AKAP8: variants seen among roughly 807,000 people sequenced by gnomAD.
AKAP8 encodes the protein A-kinase anchoring protein 8.
A neutral mutation model predicts 67.5 loss-of-function variants in AKAP8; 24 were observed. That is an observed-to-expected ratio of 0.36 (90% CI 0.26 to 0.50). The LOEUF (loss-of-function observed/expected upper bound fraction) is 0.50. Among genes scored for constraint, AKAP8 ranks in the 20% least tolerant of loss-of-function variants. The pLI, the probability that AKAP8 is intolerant of heterozygous loss-of-function variation, is 0.97. For missense variants in AKAP8, 971 were observed against 955.9 expected, an observed-to-expected ratio of 1.02 and a Z score of -0.21; for synonymous variants, 400 against 371.1, an observed-to-expected ratio of 1.08 and a Z score of -0.90.
chr19:15,361,999 G>A, intron 10 of AKAP8, 111 bp downstream of exon 10: 1 of 1,477,914 alleles, frequency 6.8e-7, no homozygotes, highest in Non-Finnish European at 9.1e-7. Flanking sequence ...ACTCTATCTG[G>A]GAAAGGAAAC....
Position 15,375,538 on chromosome 19 carries a change from C to T in AKAP8, c.59-903G>A, listed in dbSNP as rs117874555. 5.3e-4 allele frequency among the ~76,000 whole-genome samples: 81 copies of T among 152,198 alleles called. No homozygotes were observed. In the East Asian group the frequency reaches 0.014, roughly 26 times the overall value. On this transcript the variant is annotated intron_variant, in intron 2 of 13. Coordinates refer to ENST00000269701, the MANE Select transcript of AKAP8 (RefSeq NM_005858.4). ...ACACACTGGATCAAAACTCAGAGAACTATACAAATTAACAAAAACTATGAG... is the reference window on the plus strand; with the variant it reads ...ACACACTGGATCAAAACTCAGAGAATTATACAAATTAACAAAAACTATGAG...
Position 15,376,975 on chromosome 19 carries a change from C to A in AKAP8, c.58+1G>T. 1 of 1,612,576 alleles carries A rather than the reference C, an allele frequency of 6.2e-7. No homozygotes were observed. The highest frequency in any genetic ancestry group is 8.5e-7 in the Non-Finnish European group (1 of 1,179,394). ...TCACCCGCAAAGCAGAGCCCACTTA[C>A]CCTGGGTGTTGGCAGGTCCAGCACT... On this transcript the variant is annotated splice_donor_variant, in intron 2 of 13. Transcript: ENST00000269701. LOFTEE classifies it high-confidence loss of function.
intron 2 of AKAP8, among the ~76,000 whole-genome samples, chr19:15,376,133 G>A (rs1967248790): frequency 6.6e-6 from 1 of 152,004 alleles, no homozygotes; most frequent in Non-Finnish European, 1.5e-5. Context: ...ACTTGAGCTC[G>A]GGTCTCGAAC....
chr19:15,357,210 C>T (rs184425456), intron 13 of AKAP8, among the ~76,000 whole-genome samples: 1,759 of 151,694 alleles, frequency 0.012, 10 homozygotes, highest in Non-Finnish European at 0.018. Flanking sequence ...GCACCCGCCT[C>T]GGCCTCCCAA....
intron 9 of AKAP8, among the ~76,000 whole-genome samples, chr19:15,366,112 C>A: frequency 8.3e-6 from 1 of 120,572 alleles, no homozygotes; most frequent in Admixed American, 9.4e-5. Context: ...AAAAAGTCAC[C>A]TGTTCATTGG....
At chr19:15,379,530 C>A in intron 1 of AKAP8, 183 bp downstream of exon 1, 1 of 594,790 alleles carries the variant, frequency 1.7e-6, no homozygotes, top group Non-Finnish European at 2.7e-6. Flanking sequence ...CACGCAGAGC[C>A]CCGGGAGCGA....
rs367797888 is a variant in AKAP8 at position 15,362,096 on chromosome 19, C to A, written c.1302+14G>T. On this transcript the variant is annotated intron_variant, in intron 10 of 13. Transcript: ENST00000269701. ...GGGCAAGAGACGCGGTGACGGGGCC[C>A]AGGTTTCCTTTACCTGGAGGAACTC... The A allele has an allele frequency of 1.9e-6, 3 of 1,613,250 alleles. No individual in the cohort carries two copies. The East Asian group carries it at 6.7e-5, about 36-fold the overall frequency.
intron 2 of AKAP8, among the ~76,000 whole-genome samples, chr19:15,376,204 G>A (rs1478534394): frequency 2.0e-5 from 3 of 152,150 alleles, no homozygotes; most frequent in African/African-American, 7.2e-5. Context: ...GCAGGCGTGT[G>A]CTGCCTCGCC....
Position 15,361,753 on chromosome 19 carries a change from T to G in AKAP8, c.1372A>C (p.Lys458Gln), listed in dbSNP as rs761963157. ...CCTTTGAAAGGATCTGGTTTTGGTTTTGCGGTTTCTTTCTCCATCAATTCC... is the reference window on the plus strand; with the variant it reads ...CCTTTGAAAGGATCTGGTTTTGGTTGTGCGGTTTCTTTCTCCATCAATTCC... ...RQELMEKETA[K>Q]PKPDPFKGIG... The change falls in exon 11 of 14, where the codon AAA becomes CAA. Residue 458 changes from lysine to glutamine, a missense_variant. By Grantham distance (53) the Lys-to-Gln change is moderately conservative. Transcript: ENST00000269701. 1.9e-6 allele frequency: 3 copies of G among 1,613,910 alleles called. No homozygotes were observed. Among genetic ancestry groups the G allele is most frequent in the Non-Finnish European group, 2.5e-6 (3 of 1,179,758 alleles).
Position 15,379,736 on chromosome 19 carries a change from T to C in AKAP8, c.-5A>G, listed in dbSNP as rs748906847. 23 of 1,611,432 alleles carry C rather than the reference T, an allele frequency of 1.4e-5. No homozygotes were observed. The Admixed American group carries it at 2.2e-4, about 15-fold the overall frequency. ...ACCTCCGTAGCCCTGGTCCATGTCT[T>C]CGACGCGGCCCACCAGCAGCCCCGT... On this transcript the variant is annotated 5_prime_UTR_variant, in exon 1 of 14. Coordinates refer to ENST00000269701, the MANE Select transcript of AKAP8 (RefSeq NM_005858.4).
chr19:15,379,313 C>A, intron 1 of AKAP8: 1 of 210,812 alleles, frequency 4.7e-6, no homozygotes, highest in Non-Finnish European at 9.3e-6. Context: ...GCTGTAGCTC[C>A]GCCCCCCTAG....
At chr19:15,370,331 G>A in intron 7 of AKAP8, 152 bp from the exon 8 acceptor site, 1 of 799,468 alleles carries the variant, frequency 1.3e-6, no homozygotes. Flanking sequence ...GTTAGGACCA[G>A]CCTCCGGGGC....
At chr19:15,361,931 G>T in intron 10 of AKAP8, 109 bp from the exon 11 acceptor site, 2 of 1,346,916 alleles carry the variant, frequency 1.5e-6, no homozygotes, top group Non-Finnish European at 2.1e-6. Flanking sequence ...GCGTGGGGCA[G>T]CACAGCACGA....
intron 9 of AKAP8, among the ~76,000 whole-genome samples, chr19:15,366,735 G>A (rs1251402511): frequency 1.3e-5 from 2 of 151,998 alleles, no homozygotes; most frequent in Non-Finnish European, 2.9e-5. Context: ...TCAGCCTCCC[G>A]AGCAGCGGGG....
intron 1 of AKAP8, chr19:15,378,908 C>G (rs1967310466): frequency 6.5e-6 from 1 of 152,916 alleles, no homozygotes; most frequent in Non-Finnish European, 1.5e-5. Flanking sequence ...TCCTGCACAG[C>G]CCCTCGGCCC....
chr19:15,374,695 A>G (rs1967222715), intron 2 of AKAP8, 60 bp from the exon 3 acceptor site: 1 of 1,592,214 alleles, frequency 6.3e-7, no homozygotes, highest in East Asian at 2.2e-5. Context: ...CTGACACCCC[A>G]GCTGTCACCT....
rs752748972 is a variant in AKAP8, at chr19:15,370,140, G to T, written c.1072+6C>A. On this transcript the variant is annotated splice_donor_region_variant and intron_variant, in intron 8 of 13. Transcript: ENST00000269701. ...GGAAAGCTGCAAGGGACACGGTGAT[G>T]CCTACCTCTTTGCCTCCCAGAGTCG... 6.2e-7 allele frequency: 1 copy of T among 1,614,138 alleles called. No homozygotes were observed. Among genetic ancestry groups the T allele is most frequent in the East Asian group, 2.2e-5 (1 of 44,882 alleles).
intron 1 of AKAP8, among the ~76,000 whole-genome samples, chr19:15,378,077 G>C (rs890358879): frequency 3.9e-5 from 6 of 152,196 alleles, no homozygotes; most frequent in Non-Finnish European, 8.8e-5. Context: ...AGTGCCTAGT[G>C]CGTGCCGATA....
At chr19:15,365,301 C>G (rs577926596) in intron 9 of AKAP8, among the ~76,000 whole-genome samples, 1 of 152,360 alleles carries the variant, frequency 6.6e-6, no homozygotes, top group East Asian at 1.9e-4. Context: ...TGCCATGAGA[C>G]TACACGTAAA....
Sources: gnomAD v4.1 joint callset for allele counts (sites outside exome capture counted in the v4.1 genomes callset) on GRCh38, gnomAD v4.1.1 for gene constraint, MANE v1.5 for transcripts, NCBI Gene and HGNC (gene_info 2026-07-23, HGNC 2026-07-21) for gene names.